The following PACRG variants were observed in gnomAD, a reference collection of about 807,000 sequenced individuals.
PACRG encodes the protein parkin coregulated gene protein.
In PACRG, 29 loss-of-function variants were observed where a neutral mutation model predicts 29.7. The ratio of observed to expected loss-of-function variants is 0.98; its 90% CI spans 0.73 to 1.33. PACRG has a LOEUF of 1.33. Ranked by LOEUF, PACRG falls within the 40% of genes most tolerant of loss-of-function variation. PACRG has a pLI of 0.00. For missense variants in PACRG, 279 were observed against 316.2 expected (o/e 0.88, Z 0.89); for synonymous variants, 116 against 118.7 (o/e 0.98, Z 0.15).
At chr6:163,076,205 G>A (rs1812525532) in intron 3 of PACRG, among the ~76,000 whole-genome samples, 1 of 152,152 alleles carries the variant, frequency 6.6e-6, no homozygotes, top group Non-Finnish European at 1.5e-5. Flanking sequence ...CTCTGTGGTG[G>A]ACAACAGCTG....
At chr6:163,226,337 A>T (rs1420330054) in intron 4 of PACRG, among the ~76,000 whole-genome samples, 1 of 152,310 alleles carries the variant, frequency 6.6e-6, no homozygotes, top group Middle Eastern at 3.4e-3. Context: ...TTGCTAAGGG[A>T]GTAGGTCTTA....
At chr6:162,759,057 A>G (rs973815792) in intron 1 of PACRG, among the ~76,000 whole-genome samples, 26 of 152,220 alleles carry the variant, frequency 1.7e-4, no homozygotes, top group African/African-American at 5.8e-4. Flanking sequence ...ATAAATTGAC[A>G]TGGAATTGCC....
intron 4 of PACRG, among the ~76,000 whole-genome samples, chr6:163,163,880 GT>G (rs1778676875): frequency 6.6e-6 from 1 of 152,002 alleles, no homozygotes; most frequent in African/African-American, 2.4e-5. Flanking sequence ...AAAAGAATTT[GT>G]AGGCCTGAAT....
intron 4 of PACRG, among the ~76,000 whole-genome samples, chr6:163,104,794 A>G (rs1426220250): frequency 6.6e-6 from 1 of 152,170 alleles, no homozygotes; most frequent in African/African-American, 2.4e-5. Context: ...TCTCCCAACA[A>G]TTCTCCCAAA....
chr6:162,885,738 TTGCATGTGTGTGTGTGTGCGTGCACACG>T lies in PACRG; in HGVS notation c.291+71476_291+71503del, dbSNP rs965421170. On this transcript the variant is annotated intron_variant, in intron 2 of 4. Coordinates refer to ENST00000366888, the MANE Select transcript of PACRG (RefSeq NM_001080379.2). Reference sequence around the variant, plus strand: ...TTTACCACAAATAATGAGAGTTGACTTGCATGTGTGTGTGTGTGCGTGCACACGTGCATGTGTGTGTGTGTGTGTGTAT... The same window carrying T: ...TTTACCACAAATAATGAGAGTTGACTTGCATGTGTGTGTGTGTGTGTGTAT... Among the ~76,000 whole-genome samples the T allele has an allele frequency of 3.9e-5, 6 of 152,236 alleles. No individual in the cohort carries two copies. In the East Asian group the frequency reaches 9.7e-4, roughly 25 times the overall value.
intron 4 of PACRG, among the ~76,000 whole-genome samples, chr6:163,305,904 T>C (rs558955308): frequency 3.7e-4 from 56 of 152,360 alleles, no homozygotes; most frequent in Non-Finnish European, 7.8e-4. Flanking sequence ...AAAGTTCTTC[T>C]GTAGGTAGCA....
intron 1 of PACRG, among the ~76,000 whole-genome samples, chr6:162,793,581 A>T (rs976363202): frequency 1.3e-5 from 2 of 152,214 alleles, no homozygotes; most frequent in Non-Finnish European, 2.9e-5. Context: ...AAGAAGAAGG[A>T]AGAAAGGAAT....
chr6:163,068,578 A>G (rs1333266553), intron 3 of PACRG, among the ~76,000 whole-genome samples: 9 of 151,166 alleles, frequency 6.0e-5, no homozygotes, highest in Admixed American at 2.6e-4. Flanking sequence ...CTTTAACAGT[A>G]TCTTCTCTCT....
Position 162,927,486 on chromosome 6 carries a change from G to A in PACRG, c.291+113205G>A, listed in dbSNP as rs1487398845. ...ACTATGCAGCCATAAAAAAGAATGA[G>A]ATTACTTCCTCTGCAGGGACATGGA... On this transcript the variant is annotated intron_variant, in intron 2 of 4. Coordinates refer to ENST00000366888, the MANE Select transcript of PACRG (RefSeq NM_001080379.2). Among the ~76,000 whole-genome samples the A allele has an allele frequency of 2.0e-5, 3 of 152,146 alleles. No individual in the cohort carries two copies. In the East Asian group the frequency reaches 5.8e-4, roughly 29 times the overall value.
At chr6:162,828,670 G>A (rs1482355531) in intron 2 of PACRG, among the ~76,000 whole-genome samples, 4 of 152,182 alleles carry the variant, frequency 2.6e-5, no homozygotes, top group Admixed American at 2.0e-4. Context: ...ACCCTTTTGT[G>A]GGGTGGTCAG....
At chr6:163,305,622 C>T (rs1390583363) in intron 4 of PACRG, among the ~76,000 whole-genome samples, 2 of 152,132 alleles carry the variant, frequency 1.3e-5, no homozygotes, top group African/African-American at 4.8e-5. Context: ...CTAGACTTTG[C>T]CCATACTGAC....
intron 2 of PACRG, among the ~76,000 whole-genome samples, chr6:162,881,453 C>A (rs1291079604): frequency 6.6e-6 from 1 of 152,172 alleles, no homozygotes; most frequent in Non-Finnish European, 1.5e-5. Context: ...AATGCTCCAG[C>A]AACTACATGT....
intron 2 of PACRG, among the ~76,000 whole-genome samples, chr6:162,857,773 T>TC (rs1402267954): frequency 6.6e-6 from 1 of 151,966 alleles, no homozygotes; most frequent in African/African-American, 2.4e-5. Flanking sequence ...GCTCTGTTTT[T>TC]TTTTTTTTAA....
At chr6:162,736,092 C>G (rs1211446384) in intron 1 of PACRG, among the ~76,000 whole-genome samples, 1 of 152,152 alleles carries the variant, frequency 6.6e-6, no homozygotes, top group Non-Finnish European at 1.5e-5. Flanking sequence ...AAAGGAGAAG[C>G]CCATCAATCC....
intron 2 of PACRG, among the ~76,000 whole-genome samples, chr6:162,845,191 A>G (rs1790251491): frequency 6.6e-6 from 1 of 152,176 alleles, no homozygotes; most frequent in South Asian, 2.1e-4. Flanking sequence ...CAGACTAGCA[A>G]TGCAGTAAAA....
At position 163,148,976 on chromosome 6, in the gene PACRG, G is replaced by C. The variant is rs1273743296; in HGVS notation, c.613+59568G>C. ...AAATCTATGGCGGGGGGGGGGGGGG[G>C]GGGGGTGGAAAAATGTCCCTGACGT... On this transcript the variant is annotated intron_variant, in intron 4 of 4. Transcript: ENST00000366888. Among the ~76,000 whole-genome samples, 3 of 73,004 alleles carry C rather than the reference G, an allele frequency of 4.1e-5. 1 individual carries two copies. The highest frequency in any genetic ancestry group is 9.0e-5 in the Non-Finnish European group (3 of 33,292). The allele number at this position is 73,004 out of a possible 152,430, so 47.9% of individuals were successfully genotyped here. A position where few individuals can be genotyped will look rare whatever the true frequency, so the allele number is the denominator to read the frequency against.
intron 2 of PACRG, among the ~76,000 whole-genome samples, chr6:162,906,161 T>C (rs1795921700): frequency 6.6e-6 from 1 of 152,206 alleles, no homozygotes; most frequent in African/African-American, 2.4e-5. Context: ...TAATGATTTT[T>C]TGTGTGTGTT....
intron 4 of PACRG, among the ~76,000 whole-genome samples, chr6:163,112,854 A>G (rs1021714664): frequency 6.6e-6 from 1 of 152,236 alleles, no homozygotes; most frequent in East Asian, 1.9e-4. Flanking sequence ...ATACAAAGAA[A>G]CAGGAAAGTA....
chr6:162,940,914 T>G lies in PACRG; in HGVS notation c.292-121236T>G, dbSNP rs559968200. ...CAGGATATAATGAATGTATCAGAGC[T>G]CAGAATTTGTTTTTAAATGAAATTA... On this transcript the variant is annotated intron_variant, in intron 2 of 4. Coordinates refer to ENST00000366888, the MANE Select transcript of PACRG (RefSeq NM_001080379.2). 3.9e-5 allele frequency among the ~76,000 whole-genome samples: 6 copies of G among 152,306 alleles called. No homozygotes were observed. The South Asian group carries it at 1.2e-3, about 32-fold the overall frequency.
Sources: gnomAD v4.1 joint callset for allele counts (sites outside exome capture counted in the v4.1 genomes callset) on GRCh38, gnomAD v4.1.1 for gene constraint, MANE v1.5 for transcripts, NCBI Gene and HGNC (gene_info 2026-07-23, HGNC 2026-07-21) for gene names.